Variants in EML6 observed in about 807,000 individuals in gnomAD.
The protein encoded by EML6 is echinoderm microtubule-associated protein-like 6.
EML6 carries 154 observed loss-of-function variants against 240.1 expected under a neutral mutation model. The ratio of observed to expected loss-of-function variants is 0.64; its 90% CI spans 0.56 to 0.73. The LOEUF (loss-of-function observed/expected upper bound fraction) is 0.73. Among genes scored for constraint, EML6 ranks in the 30% least tolerant of loss-of-function variants. The probability of loss-of-function intolerance (pLI) is 0.00; values close to 1 mark genes in which losing one functional copy is unlikely to be tolerated. For missense variants in EML6, 2,964 were observed against 2,474.6 expected, an observed-to-expected ratio of 1.20 and a Z score of -4.20; for synonymous variants, 1,148 against 899.0, an observed-to-expected ratio of 1.28 and a Z score of -4.95.
At chr2:54,793,419 G>A (rs17345111) in intron 2 of EML6, among the ~76,000 whole-genome samples, 4,722 of 126,820 alleles carry the variant, frequency 0.037, 121 homozygotes, top group Admixed American at 0.1. Flanking sequence ...CCAGCATATC[G>A]TAACTACTTT....
At chr2:54,850,341 G>A in intron 10 of EML6, 123 bp downstream of exon 10, 1 of 821,662 alleles carries the variant, frequency 1.2e-6, no homozygotes, top group South Asian at 1.9e-5. Flanking sequence ...GTTTTTGCCG[G>A]AAAGCACCCC....
chr2:54,926,583 A>G (rs191447045), intron 26 of EML6, among the ~76,000 whole-genome samples: 110 of 152,334 alleles, frequency 7.2e-4, no homozygotes, highest in Non-Finnish European at 1.4e-3. Context: ...CCCTGCCGGG[A>G]ACCACTATAC....
chr2:54,739,485 A>AC (rs949235193), intron 2 of EML6, among the ~76,000 whole-genome samples: 65 of 152,284 alleles, frequency 4.3e-4, no homozygotes, highest in African/African-American at 1.5e-3. Flanking sequence ...GGGTACATGG[A>AC]CCCCCAGGTT....
intron 2 of EML6, among the ~76,000 whole-genome samples, chr2:54,798,810 G>A (rs1449154007): frequency 6.6e-6 from 1 of 152,252 alleles, no homozygotes; most frequent in Non-Finnish European, 1.5e-5. Context: ...GCTAGGACCT[G>A]CAGGCTAATA....
At chr2:54,913,159 A>C (rs191838929) in intron 25 of EML6, among the ~76,000 whole-genome samples, 18 of 150,378 alleles carry the variant, frequency 1.2e-4, no homozygotes, top group Admixed American at 7.3e-4. Context: ...CATTTCTCCA[A>C]TGATTGGTGA....
chr2:54,829,297 C>G (rs1558585996), intron 6 of EML6, 45 bp from the exon 7 acceptor site: 1 of 1,531,206 alleles, frequency 6.5e-7, no homozygotes, highest in East Asian at 2.5e-5. Context: ...ATTCATTATA[C>G]TTAGGATGGT....
intron 2 of EML6, among the ~76,000 whole-genome samples, chr2:54,776,278 A>G (rs1226252230): frequency 1.3e-5 from 2 of 152,134 alleles, no homozygotes; most frequent in African/African-American, 4.8e-5. Flanking sequence ...CCATGACTAT[A>G]TTCTCTCCCT....
intron 19 of EML6, 131 bp downstream of exon 19, chr2:54,892,787 C>G: frequency 1.5e-6 from 1 of 661,750 alleles, no homozygotes; most frequent in South Asian, 2.1e-5. Context: ...TGTCATAAAG[C>G]TCAGTCAAGA....
intron 2 of EML6, among the ~76,000 whole-genome samples, chr2:54,741,324 A>C (rs534258947): frequency 6.6e-6 from 1 of 152,202 alleles, no homozygotes; most frequent in Admixed American, 6.5e-5. Flanking sequence ...ACTTAAACAA[A>C]AAAATTCAGA....
chr2:54,771,346 G>A (rs1383082954), intron 2 of EML6, among the ~76,000 whole-genome samples: 5 of 152,056 alleles, frequency 3.3e-5, no homozygotes, highest in African/African-American at 1.2e-4. Context: ...GTCCCGTAAC[G>A]CCACAGGCAA....
chr2:54,937,784 C>T (rs375164787), intron 28 of EML6, among the ~76,000 whole-genome samples: 2 of 152,040 alleles, frequency 1.3e-5, no homozygotes, highest in African/African-American at 4.8e-5. Flanking sequence ...AAGTTTCAAG[C>T]AACAGTGTTT....
At chr2:54,831,582 C>T (rs1323107234) in intron 7 of EML6, among the ~76,000 whole-genome samples, 5 of 152,336 alleles carry the variant, frequency 3.3e-5, no homozygotes, top group South Asian at 4.1e-4. Context: ...GGCTGGTACA[C>T]GGTGGACACT....
intron 28 of EML6, among the ~76,000 whole-genome samples, chr2:54,930,260 C>T (rs975307631): frequency 1.4e-4 from 22 of 152,190 alleles, no homozygotes; most frequent in African/African-American, 5.3e-4. Flanking sequence ...TTAACCCAAG[C>T]TCCAAATTCC....
rs373718540 is a variant in EML6 at position 54,788,229 on chromosome 2, C to A, written c.198-25003C>A. Among the ~76,000 whole-genome samples, 30 of 152,342 alleles carry A rather than the reference C, an allele frequency of 2.0e-4. 1 individual carries two copies. In the East Asian group the frequency reaches 2.9e-3, roughly 15 times the overall value. On this transcript the variant is annotated intron_variant, in intron 2 of 41. Coordinates refer to ENST00000356458, the MANE Select transcript of EML6 (RefSeq NM_001039753.4). ...TGAGCACATAGGTTCCAGATGGCTCCCGCTTCCTGTTGGCCTGCAAGGCGG... is the reference window on the plus strand; with the variant it reads ...TGAGCACATAGGTTCCAGATGGCTCACGCTTCCTGTTGGCCTGCAAGGCGG...
intron 2 of EML6, among the ~76,000 whole-genome samples, chr2:54,736,463 C>CATTTATAA (rs1341119481): frequency 6.6e-6 from 1 of 152,208 alleles, no homozygotes; most frequent in Non-Finnish European, 1.5e-5. Context: ...TCGGTTTCCT[C>CATTTATAA]ATTTATAAAT....
chr2:54,729,870 C>T (rs763060013), intron 2 of EML6, among the ~76,000 whole-genome samples: 36 of 152,192 alleles, frequency 2.4e-4, no homozygotes, highest in Non-Finnish European at 3.1e-4. Context: ...ATCCCCAGCT[C>T]GGCCAGGCTA....
intron 12 of EML6, among the ~76,000 whole-genome samples, chr2:54,863,185 G>A (rs1413082761): frequency 1.3e-5 from 2 of 152,184 alleles, no homozygotes; most frequent in African/African-American, 4.8e-5. Flanking sequence ...TGGTTAAAAG[G>A]CTAAAGAGGA....
rs993675310 is a variant in EML6, at chr2:54,757,397, A to G, written c.197+32139A>G. 3.9e-5 allele frequency among the ~76,000 whole-genome samples: 6 copies of G among 152,238 alleles called. No individual in the cohort carries two copies. The South Asian group carries it at 1.0e-3, about 26-fold the overall frequency. ...TTGCAATGGAGGATGCTGTAATACA[A>G]TGTCAGGATGGAGGGGCATTTTCTC... On this transcript the variant is annotated intron_variant, in intron 2 of 41. Coordinates refer to ENST00000356458, the MANE Select transcript of EML6 (RefSeq NM_001039753.4).
At chr2:54,928,278 G>C in intron 26 of EML6, 35 bp from the exon 27 acceptor site, 2 of 1,490,932 alleles carry the variant, frequency 1.3e-6, no homozygotes, top group Non-Finnish European at 1.8e-6. Context: ...AGGAATAACA[G>C]TGGCTGGGGT....
Sources: allele counts gnomAD v4.1 joint callset (sites outside exome capture counted in the v4.1 genomes callset), GRCh38; gene constraint gnomAD v4.1.1; transcripts MANE v1.5; gene names NCBI Gene and HGNC (gene_info 2026-07-23, HGNC 2026-07-21).